TAFA2: variants seen among roughly 807,000 people sequenced by gnomAD.
TAFA2 encodes the protein TAFA chemokine like family member 2.
TAFA2 carries 7 observed loss-of-function variants against 18.8 expected under a neutral mutation model. That is an observed-to-expected ratio of 0.37 (90% CI 0.21 to 0.70). The LOEUF is 0.70. Among genes scored for constraint, TAFA2 ranks in the 30% least tolerant of loss-of-function variants. TAFA2 has a pLI of 0.53. For missense variants in TAFA2, 122 were observed against 158.1 expected, an observed-to-expected ratio of 0.77 and a Z score of 1.23; for synonymous variants, 60 against 54.2, an observed-to-expected ratio of 1.11 and a Z score of -0.47.
At chr12:62,043,484 G>A (rs141703216) in intron 1 of TAFA2, among the ~76,000 whole-genome samples, 1 of 152,044 alleles carries the variant, frequency 6.6e-6, no homozygotes, top group East Asian at 1.9e-4. Context: ...TAGGGGGGAG[G>A]GATAGCATTA....
At chr12:62,228,941 T>C (rs945388519) in intron 1 of TAFA2, among the ~76,000 whole-genome samples, 2 of 152,212 alleles carry the variant, frequency 1.3e-5, no homozygotes, top group Non-Finnish European at 2.9e-5. Flanking sequence ...ACTTCTCTGG[T>C]TACATTTACT....
Position 62,082,951 on chromosome 12 carries a change from G to C in TAFA2, c.-2+108308C>G, listed in dbSNP as rs183490104. ...CATTTAATCCTTGCAACATCCCTTT[G>C]AGAGTAGGTGCTATTACTAACCTCC... is the stretch of plus-strand genomic sequence containing the variant. On this transcript the variant is annotated intron_variant, in intron 1 of 4. Coordinates refer to ENST00000416284, the MANE Select transcript of TAFA2 (RefSeq NM_178539.5). Among the ~76,000 whole-genome samples, 58 of 152,084 alleles carry C rather than the reference G, an allele frequency of 3.8e-4. 1 individual carries two copies. Among genetic ancestry groups the C allele is most frequent in the Admixed American group, 2.6e-3 (39 of 15,272 alleles).
chr12:61,898,135 G>C (rs1362694605), intron 1 of TAFA2, among the ~76,000 whole-genome samples: 1 of 152,216 alleles, frequency 6.6e-6, no homozygotes, highest in Non-Finnish European at 1.5e-5. Flanking sequence ...GCAAGAGGTG[G>C]GCTCCCATGG....
intron 1 of TAFA2, among the ~76,000 whole-genome samples, chr12:61,905,143 G>T (rs527285177): frequency 5.9e-4 from 89 of 152,136 alleles, no homozygotes; most frequent in Non-Finnish European, 5.9e-5. Flanking sequence ...ATTTTGTAGA[G>T]AATTACTATG....
intron 2 of TAFA2, among the ~76,000 whole-genome samples, chr12:61,805,361 G>A (rs1011296570): frequency 8.6e-5 from 13 of 151,868 alleles, no homozygotes; most frequent in African/African-American, 2.2e-4. Flanking sequence ...TACCTCATTC[G>A]TGATCCAATT....
chr12:61,783,739 C>G lies in TAFA2; in HGVS notation c.107-28715G>C, dbSNP rs567558293. Among the ~76,000 whole-genome samples the G allele has an allele frequency of 1.2e-3, 189 of 151,594 alleles. 1 individual carries two copies. Among genetic ancestry groups the G allele is most frequent in the African/African-American group, 4.5e-3 (185 of 41,440 alleles). On this transcript the variant is annotated intron_variant, in intron 2 of 4. Coordinates refer to ENST00000416284, the MANE Select transcript of TAFA2 (RefSeq NM_178539.5). ...ATTTTAAATTTAACTCATTGAAATT[C>G]TTACATCCTAAGAAAAAATCAACAA...
chr12:61,734,201 C>A (rs1342256087), intron 4 of TAFA2, among the ~76,000 whole-genome samples: 3 of 151,868 alleles, frequency 2.0e-5, no homozygotes, highest in South Asian at 4.2e-4. Context: ...TCTAGATACA[C>A]AATCATGTCA....
chr12:62,215,172 G>T (rs1182945475), intron 1 of TAFA2, among the ~76,000 whole-genome samples: 1 of 152,116 alleles, frequency 6.6e-6, no homozygotes, highest in East Asian at 1.9e-4. Context: ...TCCAGGTTTT[G>T]GAATTGAAGA....
intron 4 of TAFA2, among the ~76,000 whole-genome samples, chr12:61,714,624 G>T (rs1869563427): frequency 6.6e-6 from 1 of 152,114 alleles, no homozygotes; most frequent in African/African-American, 2.4e-5. Context: ...GACATATATG[G>T]TATTAGTTAA....
chr12:61,817,505 C>T (rs1461956583), intron 2 of TAFA2, among the ~76,000 whole-genome samples: 1 of 152,140 alleles, frequency 6.6e-6, no homozygotes, highest in African/African-American at 2.4e-5. Flanking sequence ...AAATCTTACA[C>T]ATACATGATC....
intron 1 of TAFA2, among the ~76,000 whole-genome samples, chr12:62,223,303 C>T (rs2062771813): frequency 6.6e-6 from 1 of 152,142 alleles, no homozygotes; most frequent in Non-Finnish European, 1.5e-5. Flanking sequence ...CTCAGCCTCT[C>T]AAGAAGCTGG....
chr12:62,151,463 C>T (rs2062327772), intron 1 of TAFA2, among the ~76,000 whole-genome samples: 1 of 152,178 alleles, frequency 6.6e-6, no homozygotes, highest in Non-Finnish European at 1.5e-5. Flanking sequence ...TCTTTACTTT[C>T]AATGTAGAAG....
chr12:62,164,640 C>T (rs774308321), intron 1 of TAFA2, among the ~76,000 whole-genome samples: 1 of 152,026 alleles, frequency 6.6e-6, no homozygotes, highest in African/African-American at 2.4e-5. Context: ...ACCTAAAAAA[C>T]AAGATAATTA....
At chr12:61,944,495 A>C (rs1304967293) in intron 1 of TAFA2, among the ~76,000 whole-genome samples, 1 of 123,930 alleles carries the variant, frequency 8.1e-6, no homozygotes, top group Admixed American at 8.2e-5. Flanking sequence ...AAAACCCTTC[A>C]AAAAATCAAT....
intron 1 of TAFA2, among the ~76,000 whole-genome samples, chr12:62,231,694 C>G (rs577488298): frequency 2.6e-5 from 4 of 152,206 alleles, no homozygotes; most frequent in African/African-American, 9.6e-5. Context: ...CAATGAATCA[C>G]AAACAGAATA....
chr12:61,927,029 C>T (rs146912585), intron 1 of TAFA2, among the ~76,000 whole-genome samples: 11 of 138,160 alleles, frequency 8.0e-5, no homozygotes, highest in Non-Finnish European at 1.4e-4. Flanking sequence ...AAGCCGAGAT[C>T]GCACCACTAT....
chr12:61,881,998 C>A (rs1171475159), intron 1 of TAFA2, among the ~76,000 whole-genome samples: 2 of 151,932 alleles, frequency 1.3e-5, no homozygotes, highest in African/African-American at 2.4e-5. Context: ...TATTTACCCA[C>A]ATTGAAAATT....
chr12:62,082,735 T>C (rs1474524940), intron 1 of TAFA2, among the ~76,000 whole-genome samples: 2 of 152,194 alleles, frequency 1.3e-5, no homozygotes, highest in East Asian at 3.8e-4. Context: ...ACATCAAGTA[T>C]TGAAATAATA....
At chr12:62,163,828 A>G (rs1373420320) in intron 1 of TAFA2, among the ~76,000 whole-genome samples, 2 of 152,164 alleles carry the variant, frequency 1.3e-5, no homozygotes, top group Admixed American at 1.3e-4. Context: ...AGTAAAAAAA[A>G]TAGCCATCAG....
Sources: gnomAD v4.1 joint callset for allele counts (sites outside exome capture counted in the v4.1 genomes callset) on GRCh38, gnomAD v4.1.1 for gene constraint, MANE v1.5 for transcripts, NCBI Gene and HGNC (gene_info 2026-07-23, HGNC 2026-07-21) for gene names.